The following CCSER2 variants were observed in gnomAD, a reference collection of about 807,000 sequenced individuals.
CCSER2 encodes the protein serine-rich coiled-coil domain-containing protein 2.
CCSER2 carries 46 observed loss-of-function variants against 92.3 expected under a neutral mutation model. The ratio of observed to expected loss-of-function variants is 0.50; its 90% CI spans 0.39 to 0.64. The LOEUF is 0.64. Ranked by LOEUF, CCSER2 falls within the 30% of genes least tolerant of loss-of-function variation. The pLI is 0.00. For synonymous variants in CCSER2, 433 were observed against 431.4 expected, an observed-to-expected ratio of 1.00 and a Z score of -0.04; for missense variants, 1,244 against 1,238.9, an observed-to-expected ratio of 1.00 and a Z score of -0.06.
intron 1 of CCSER2, among the ~76,000 whole-genome samples, chr10:84,351,497 C>T (rs1844857553): frequency 6.6e-6 from 1 of 151,980 alleles, no homozygotes; most frequent in Non-Finnish European, 1.5e-5. Context: ...CTCCCAAAAT[C>T]CCAAAATGCT....
intron 9 of CCSER2, among the ~76,000 whole-genome samples, chr10:84,508,663 T>C (rs1008172474): frequency 6.6e-6 from 1 of 152,214 alleles, no homozygotes; most frequent in African/African-American, 2.4e-5. Context: ...CCTTGACTTC[T>C]GTGTCATATT....
intron 3 of CCSER2, among the ~76,000 whole-genome samples, chr10:84,396,779 G>A (rs763502498): frequency 3.9e-5 from 6 of 151,944 alleles, no homozygotes; most frequent in African/African-American, 7.2e-5. Flanking sequence ...TTAAGTGATC[G>A]ACCCGTCTTG....
At chr10:84,501,834 A>ATATATATATATATATAT (rs1554868294) in intron 9 of CCSER2, among the ~76,000 whole-genome samples, 1 of 40,170 alleles carries the variant, frequency 2.5e-5, no homozygotes, top group African/African-American at 4.7e-5. Context: ...AAAAAAAAAA[A>ATATATATATATATATAT]ATATATATAT....
chr10:84,382,542 A>G (rs1202593035), intron 3 of CCSER2, among the ~76,000 whole-genome samples: 2 of 152,218 alleles, frequency 1.3e-5, no homozygotes, highest in African/African-American at 4.8e-5. Context: ...AAACACAGTG[A>G]GCCATACTCA....
At chr10:84,370,933 TG>T (rs1564605672) in intron 1 of CCSER2, 80 bp from the exon 2 acceptor site, 1 of 630,316 alleles carries the variant, frequency 1.6e-6, no homozygotes, top group Non-Finnish European at 2.5e-6. Flanking sequence ...CGTATAAAAG[TG>T]TAAGTATCAT....
In CCSER2 at chr10:84,477,648, C is replaced by G; in HGVS notation, c.2309C>G (p.Pro770Arg). The G allele has an allele frequency of 6.3e-7, 1 of 1,598,752 alleles. No individual in the cohort carries two copies. Among genetic ancestry groups the G allele is most frequent in the Non-Finnish European group, 8.6e-7 (1 of 1,167,680 alleles). Reference protein sequence around the residue: ...CTYADKYTQTPWRRIPPQVLQ... With the variant: ...CTYADKYTQTRWRRIPPQVLQ... ...TATGCTGATAAATATACCCAAACAC[C>G]CTGGAGACGAATTCCTGTAAGTAAC... Residue 770 changes from proline to arginine, a missense_variant, in exon 9 of 10, where the codon CCC becomes CGC. By Grantham distance (103) the Pro-to-Arg change is moderately radical (BLOSUM62 -2). Coordinates refer to ENST00000372088, the MANE Select transcript of CCSER2 (RefSeq NM_001284240.2).
Position 84,372,386 on chromosome 10 carries a change from C to T in CCSER2, c.1334C>T (p.Pro445Leu), listed in dbSNP as rs777068231. 3 of 1,611,732 alleles carry T rather than the reference C, an allele frequency of 1.9e-6. No homozygotes were observed. Among genetic ancestry groups the T allele is most frequent in the Non-Finnish European group, 2.5e-6 (3 of 1,179,120 alleles). ...AAAGAAGAGAAACATGAAAATGGGCCACCACAGGATATGTTTGATTCCCCC... is the reference window on the plus strand; with the variant it reads ...AAAGAAGAGAAACATGAAAATGGGCTACCACAGGATATGTTTGATTCCCCC... ...SLKEEKHENGPPQDMFDSPKE... is the reference protein window; with the variant it reads ...SLKEEKHENGLPQDMFDSPKE... The change falls in exon 2 of 10, where the codon CCA becomes CTA. Residue 445 changes from proline (P) to leucine (L), a missense_variant. Pro to Leu is a moderately conservative substitution (Grantham distance 98). Coordinates refer to ENST00000372088, the MANE Select transcript of CCSER2 (RefSeq NM_001284240.2).
intron 4 of CCSER2, among the ~76,000 whole-genome samples, chr10:84,419,362 A>AT (rs1843026450): frequency 6.6e-6 from 1 of 151,238 alleles, no homozygotes; most frequent in Non-Finnish European, 1.5e-5. Context: ...TCTCAAAAAA[A>AT]AAAAAATAAA....
chr10:84,514,348 A>G lies in CCSER2; in HGVS notation c.*81A>G. The G allele has an allele frequency of 1.0e-6, 1 of 991,594 alleles. No homozygotes were observed. The highest frequency in any genetic ancestry group is 1.7e-5 in the South Asian group (1 of 58,542). The allele number at this position is 991,594 out of a possible 1,614,324, so 61.4% of individuals were successfully genotyped here. A position where few individuals can be genotyped will look rare whatever the true frequency, so the allele number is the denominator to read the frequency against. ...CTTTATGTGCAGCTTGCAGCTTGCT[A>G]CTGTGGTGGAGGTTCCATTGAAAGC... On this transcript the variant is annotated 3_prime_UTR_variant, in exon 10 of 10. Transcript: ENST00000372088.
At chr10:84,463,261 T>C (rs1846206863) in intron 6 of CCSER2, among the ~76,000 whole-genome samples, 1 of 152,210 alleles carries the variant, frequency 6.6e-6, no homozygotes, top group African/African-American at 2.4e-5. Context: ...CAATCTTAAG[T>C]GTACAGCTCA....
intron 6 of CCSER2, among the ~76,000 whole-genome samples, chr10:84,443,278 A>G (rs1312787444): frequency 2.0e-5 from 3 of 152,226 alleles, no homozygotes; most frequent in African/African-American, 2.4e-5. Context: ...CAGAATCTAC[A>G]AGGAACTTAA....
intron 3 of CCSER2, among the ~76,000 whole-genome samples, chr10:84,407,278 A>G (rs1842426138): frequency 6.6e-6 from 1 of 151,976 alleles, no homozygotes; most frequent in South Asian, 2.1e-4. Flanking sequence ...TTTTGCTTCC[A>G]TTATTGTTTT....
chr10:84,370,279 A>G (rs889746994), intron 1 of CCSER2, among the ~76,000 whole-genome samples: 1 of 152,092 alleles, frequency 6.6e-6, no homozygotes, highest in Non-Finnish European at 1.5e-5. Flanking sequence ...ATGTATTTCC[A>G]TTCGTTTGCA....
chr10:84,346,477 T>A (rs1211238635), intron 1 of CCSER2, among the ~76,000 whole-genome samples: 2 of 152,120 alleles, frequency 1.3e-5, no homozygotes, highest in Non-Finnish European at 2.9e-5. Context: ...AAAACATGAT[T>A]TTAAAAATAA....
At chr10:84,347,819 C>T (rs1033566651) in intron 1 of CCSER2, among the ~76,000 whole-genome samples, 11 of 146,380 alleles carry the variant, frequency 7.5e-5, no homozygotes, top group African/African-American at 2.3e-4. Context: ...CAGACGGGGT[C>T]GTGGCTGGGC....
intron 6 of CCSER2, among the ~76,000 whole-genome samples, chr10:84,447,094 A>G (rs1240598711): frequency 6.6e-6 from 1 of 152,080 alleles, no homozygotes; most frequent in African/African-American, 2.4e-5. Context: ...AACCGTGAGA[A>G]AGTTCCTCTG....
At chr10:84,389,906 A>AT (rs1564622319) in intron 3 of CCSER2, among the ~76,000 whole-genome samples, 4 of 151,848 alleles carry the variant, frequency 2.6e-5, no homozygotes, top group African/African-American at 9.7e-5. Flanking sequence ...CTCATCTTTC[A>AT]TTTTTTTCTG....
At chr10:84,420,220 A>G (rs1843072350) in intron 4 of CCSER2, among the ~76,000 whole-genome samples, 1 of 152,318 alleles carries the variant, frequency 6.6e-6, no homozygotes, top group East Asian at 1.9e-4. Flanking sequence ...AATCACAGGG[A>G]AATTTAGTCT....
intron 8 of CCSER2, among the ~76,000 whole-genome samples, chr10:84,470,989 A>G (rs944001771): frequency 2.0e-5 from 3 of 152,114 alleles, no homozygotes; most frequent in Admixed American, 6.5e-5. Context: ...TGAAAACAAT[A>G]TGTATGGTGT....
Sources: gnomAD v4.1 joint callset for allele counts (sites outside exome capture counted in the v4.1 genomes callset) on GRCh38, gnomAD v4.1.1 for gene constraint, MANE v1.5 for transcripts, NCBI Gene and HGNC (gene_info 2026-07-23, HGNC 2026-07-21) for gene names.